Variants in ST8SIA2 observed in about 807,000 individuals in gnomAD.
ST8SIA2 encodes the protein ST8 alpha-N-acetyl-neuraminide alpha-2,8-sialyltransferase 2.
Under a neutral mutation model 37.6 loss-of-function variants are expected in ST8SIA2, and 22 were observed. The observed-to-expected ratio is 0.58, with a 90% CI of 0.42 to 0.83. The LOEUF (loss-of-function observed/expected upper bound fraction) is 0.83, where lower values mean the gene tolerates loss of function less well. ST8SIA2 is among the 40% of genes least tolerant of loss of function. ST8SIA2 has a pLI of 0.00. For missense variants in ST8SIA2, 382 were observed against 484.7 expected, an observed-to-expected ratio of 0.79 and a Z score of 1.99; for synonymous variants, 205 against 201.2, an observed-to-expected ratio of 1.02 and a Z score of -0.16.
intron 1 of ST8SIA2, among the ~76,000 whole-genome samples, chr15:92,418,504 C>A (rs985257744): frequency 2.7e-5 from 4 of 149,864 alleles, no homozygotes; most frequent in Admixed American, 6.7e-5. Context: ...GAGTGCCTGG[C>A]ACATGGAGGG....
intron 1 of ST8SIA2, among the ~76,000 whole-genome samples, chr15:92,415,935 G>C (rs1460587918): frequency 2.0e-5 from 3 of 152,298 alleles, no homozygotes; most frequent in Middle Eastern, 3.4e-3. Context: ...AAAAGAAGAT[G>C]AGGCTGAAGG....
intron 3 of ST8SIA2, among the ~76,000 whole-genome samples, chr15:92,435,938 G>A (rs1301753203): frequency 6.6e-6 from 1 of 152,052 alleles, no homozygotes; most frequent in Non-Finnish European, 1.5e-5. Flanking sequence ...CCACAATTCT[G>A]AGCACCCCCT....
At chr15:92,449,871 T>G (rs2049869703) in intron 5 of ST8SIA2, among the ~76,000 whole-genome samples, 1 of 152,228 alleles carries the variant, frequency 6.6e-6, no homozygotes, top group African/African-American at 2.4e-5. Context: ...TTGAGTTGTT[T>G]AAGTTCCCTA....
chr15:92,456,292 G>A (rs1433227689), intron 5 of ST8SIA2, among the ~76,000 whole-genome samples: 5 of 152,198 alleles, frequency 3.3e-5, no homozygotes, highest in Non-Finnish European at 5.9e-5. Flanking sequence ...TGCCTAAAAG[G>A]GCTTGCAGTG....
rs769887634 is a variant in ST8SIA2 at position 92,439,465 on chromosome 15, C to CAAAATT, written c.548+856_548+857insAAATTA. On this transcript the variant is annotated intron_variant, in intron 4 of 5. Transcript: ENST00000268164. ...TGCTGTCTCCAGGTCAAAATTAGGG[C>CAAAATT]ACGCGGAGCCTCGAGTTTCATTCCA... Among the ~76,000 whole-genome samples the CAAAATT allele has an allele frequency of 3.3e-5, 5 of 152,316 alleles. No homozygotes were observed. The South Asian group carries it at 1.0e-3, about 32-fold the overall frequency.
intron 5 of ST8SIA2, among the ~76,000 whole-genome samples, chr15:92,446,286 T>C (rs547118283): frequency 1.4e-4 from 21 of 152,326 alleles, no homozygotes; most frequent in African/African-American, 5.1e-4. Context: ...CCTCACAGCA[T>C]AGTAGCCTTA....
intron 1 of ST8SIA2, among the ~76,000 whole-genome samples, chr15:92,397,038 G>A (rs1049725702): frequency 2.6e-5 from 4 of 152,324 alleles, no homozygotes; most frequent in Admixed American, 2.0e-4. Flanking sequence ...TGATCTGCGC[G>A]TGTCGGCCCC....
In ST8SIA2 at chr15:92,403,011, T is replaced by G. The variant is rs141442703; in HGVS notation, c.98+8849T>G. Reference sequence around the variant, plus strand: ...ACAAGGAAGGGAAGGAGGGAGGGAGTGAGTGACGGAGGGAGGGAGCCCTTC... The same window carrying G: ...ACAAGGAAGGGAAGGAGGGAGGGAGGGAGTGACGGAGGGAGGGAGCCCTTC... On this transcript the variant is annotated intron_variant, in intron 1 of 5. Coordinates refer to ENST00000268164, the MANE Select transcript of ST8SIA2 (RefSeq NM_006011.4). Among the ~76,000 whole-genome samples, 38 of 151,286 alleles carry G rather than the reference T, an allele frequency of 2.5e-4. No homozygotes were observed. In the East Asian group the frequency reaches 3.5e-3, roughly 14 times the overall value.
chr15:92,456,244 G>A (rs1202461158), intron 5 of ST8SIA2, among the ~76,000 whole-genome samples: 1 of 152,234 alleles, frequency 6.6e-6, no homozygotes, highest in Non-Finnish European at 1.5e-5. Flanking sequence ...TGTCTAGGAT[G>A]GTGTGAGCCT....
intron 4 of ST8SIA2, among the ~76,000 whole-genome samples, chr15:92,441,050 G>A (rs113177396): frequency 6.6e-6 from 1 of 152,198 alleles, no homozygotes; most frequent in East Asian, 1.9e-4. Flanking sequence ...GGCTTTACTA[G>A]AATGGCAGAC....
intron 1 of ST8SIA2, among the ~76,000 whole-genome samples, chr15:92,412,154 C>G (rs1476163120): frequency 6.6e-6 from 1 of 152,084 alleles, no homozygotes; most frequent in Non-Finnish European, 1.5e-5. Context: ...AGAGGGCATA[C>G]TGGCCTTGCC....
chr15:92,463,983 G>A (rs1236776005), intron 5 of ST8SIA2, 117 bp from the exon 6 acceptor site: 27 of 1,393,774 alleles, frequency 1.9e-5, no homozygotes, highest in East Asian at 5.0e-5. Flanking sequence ...TAGCTTGATC[G>A]GTCCCTGGAG....
intron 5 of ST8SIA2, among the ~76,000 whole-genome samples, chr15:92,445,857 G>T (rs1269380272): frequency 1.3e-5 from 2 of 152,168 alleles, no homozygotes; most frequent in Non-Finnish European, 2.9e-5. Context: ...CAAACAAGTA[G>T]TAGTTCCCAA....
chr15:92,464,532 C>CTA lies in ST8SIA2; in HGVS notation c.*150_*151dup. ...AAAACAGTGACCAGAATATATATAT[C>CTA]TATACCTGCATATATATATTGACCT... On this transcript the variant is annotated 3_prime_UTR_variant, in exon 6 of 6. Coordinates refer to ENST00000268164, the MANE Select transcript of ST8SIA2 (RefSeq NM_006011.4). 1.2e-6 allele frequency: 1 copy of CTA among 803,710 alleles called. No individual in the cohort carries two copies. Among genetic ancestry groups the CTA allele is most frequent in the Non-Finnish European group, 2.1e-6 (1 of 483,590 alleles). 49.8% of individuals were successfully genotyped at this position (803,710 alleles called of 1,614,324 possible).
intron 5 of ST8SIA2, among the ~76,000 whole-genome samples, chr15:92,459,367 G>A (rs1047513412): frequency 2.6e-5 from 4 of 152,166 alleles, no homozygotes; most frequent in Admixed American, 2.6e-4. Context: ...AGCCTGGGGA[G>A]TTGCCATGGG....
intron 1 of ST8SIA2, among the ~76,000 whole-genome samples, chr15:92,409,630 T>C (rs925848526): frequency 6.6e-6 from 1 of 152,206 alleles, no homozygotes; most frequent in East Asian, 1.9e-4. Context: ...GCTCAGTAAC[T>C]ATTTCTCAAA....
chr15:92,442,145 A>G (rs1262983289), intron 4 of ST8SIA2, among the ~76,000 whole-genome samples: 3 of 152,230 alleles, frequency 2.0e-5, no homozygotes, highest in Non-Finnish European at 4.4e-5. Flanking sequence ...GAAGACATCT[A>G]GACAGTCCAC....
At chr15:92,400,126 C>G (rs1210298014) in intron 1 of ST8SIA2, among the ~76,000 whole-genome samples, 1 of 152,198 alleles carries the variant, frequency 6.6e-6, no homozygotes, top group Non-Finnish European at 1.5e-5. Flanking sequence ...TGCCCTGCTC[C>G]TCCCAGGCCC....
At chr15:92,442,500 A>G (rs910825452) in intron 4 of ST8SIA2, among the ~76,000 whole-genome samples, 1 of 151,920 alleles carries the variant, frequency 6.6e-6, no homozygotes, top group Non-Finnish European at 1.5e-5. Flanking sequence ...CTCCTGCCCC[A>G]TGGTTGATCC....
Sources: allele counts gnomAD v4.1 joint callset (sites outside exome capture counted in the v4.1 genomes callset), GRCh38; gene constraint gnomAD v4.1.1; transcripts MANE v1.5; gene names NCBI Gene and HGNC (gene_info 2026-07-23, HGNC 2026-07-21).